The following PDE1C variants were observed in gnomAD, a reference collection of about 807,000 sequenced individuals.
PDE1C encodes the protein dual specificity calcium/calmodulin-dependent 3',5'-cyclic nucleotide phosphodiesterase 1C.
Under a neutral mutation model 93.1 loss-of-function variants are expected in PDE1C, and 62 were observed. The ratio of observed to expected loss-of-function variants is 0.67; its 90% CI spans 0.54 to 0.82. The LOEUF (loss-of-function observed/expected upper bound fraction) is 0.82. Among genes scored for constraint, PDE1C ranks in the 40% least tolerant of loss-of-function variants. The pLI is 0.00. For missense variants in PDE1C, 742 were observed against 884.6 expected (o/e 0.84, Z 2.04); for synonymous variants, 325 against 310.1 (o/e 1.05, Z -0.50).
rs1204630246 is a variant in PDE1C, at chr7:32,005,578, A to AAAAAAAAAAAAAAAAAAAAAC, written c.128+45975_128+45976insGTTTTTTTTTTTTTTTTTTTT. On this transcript the variant is annotated intron_variant, in intron 2 of 17. Coordinates refer to ENST00000396191, the MANE Select transcript of PDE1C (RefSeq NM_001191057.4). ...TTCAAAAAAAAAAAAAAAAAAAAAA[A>AAAAAAAAAAAAAAAAAAAAAC]AAAGAATTGTGATCTGAGAAATCAC... Among the ~76,000 whole-genome samples the AAAAAAAAAAAAAAAAAAAAAC allele has an allele frequency of 1.2e-4, 12 of 103,792 alleles. 2 individuals are homozygous for AAAAAAAAAAAAAAAAAAAAAC. The highest frequency in any genetic ancestry group is 2.8e-4 in the South Asian group (1 of 3,594). 68.1% of individuals were successfully genotyped at this position (103,792 alleles called of 152,430 possible). A position where few individuals can be genotyped will look rare whatever the true frequency, so the allele number is the denominator to read the frequency against.
At position 31,986,295 on chromosome 7, in the gene PDE1C, TG is replaced by T. The variant is rs1374857163; in HGVS notation, c.128+65258del. On this transcript the variant is annotated intron_variant, in intron 2 of 17. Coordinates refer to ENST00000396191, the MANE Select transcript of PDE1C (RefSeq NM_001191057.4). ...TCCAATTTCTTCCTCCTACTTCACA[TG>T]GCTTTCTTCTCCCTATGGCCTCTTC... Among the ~76,000 whole-genome samples the T allele has an allele frequency of 7.9e-5, 12 of 152,122 alleles. No homozygotes were observed. The East Asian group carries it at 2.3e-3, about 30-fold the overall frequency.
intron 3 of PDE1C, among the ~76,000 whole-genome samples, chr7:32,096,071 C>T (rs1424692386): frequency 1.3e-5 from 2 of 152,170 alleles, no homozygotes. Flanking sequence ...TACATGACAT[C>T]TGAGAGCTTT....
intron 1 of PDE1C, among the ~76,000 whole-genome samples, chr7:32,062,778 C>T (rs1794965411): frequency 6.6e-6 from 1 of 152,152 alleles, no homozygotes; most frequent in Admixed American, 6.5e-5. Context: ...TTCCCTGGTG[C>T]TTAGCACAGC....
the PDE1C span, among the ~76,000 whole-genome samples, chr7:31,681,370 CGGATGGAT>C: frequency 0.068 from 3,584 of 52,666 alleles, 122 homozygotes; most frequent in African/African-American, 0.18. Flanking sequence ...GATGGATGGA[CGGATGGAT>C]GGATGGATGG....
Position 31,998,030 on chromosome 7 carries a change from A to T in PDE1C, c.128+53524T>A, listed in dbSNP as rs369570065. Among the ~76,000 whole-genome samples, 1,469 of 150,804 alleles carry T rather than the reference A, an allele frequency of 9.7e-3. 11 individuals are homozygous for T. The highest frequency in any genetic ancestry group is 0.037 in the Middle Eastern group (11 of 294). On this transcript the variant is annotated intron_variant, in intron 2 of 17. Transcript: ENST00000396191. ...TTTATTTTTATTTATTTATTTATTT[A>T]TTTTTTTGAGACGGAGTCTCACTCT... is the stretch of plus-strand genomic sequence containing the variant.
intron 1 of PDE1C, among the ~76,000 whole-genome samples, chr7:32,365,764 C>T (rs769754114): frequency 5.9e-5 from 9 of 152,090 alleles, no homozygotes; most frequent in South Asian, 2.1e-4. Context: ...TGAGTTCACC[C>T]GGGCAAAGCC....
intron 15 of PDE1C, among the ~76,000 whole-genome samples, chr7:31,814,667 A>T (rs2128720769): frequency 6.7e-6 from 1 of 150,252 alleles, no homozygotes; most frequent in Middle Eastern, 3.4e-3. Context: ...GGCAGGCAAG[A>T]GAATGAATAT....
the PDE1C span, chr7:31,696,822 T>G: frequency 1.1e-6 from 1 of 902,316 alleles, no homozygotes; most frequent in Middle Eastern, 3.2e-4. Flanking sequence ...TAATGCTTCT[T>G]ATGAAAAGTC....
intron 12 of PDE1C, among the ~76,000 whole-genome samples, chr7:31,825,462 G>A (rs1010979272): frequency 6.6e-6 from 1 of 152,042 alleles, no homozygotes; most frequent in African/African-American, 2.4e-5. Flanking sequence ...GGGAAGGAAA[G>A]CTTGGGAAGG....
chr7:31,628,448 CT>C, the PDE1C span, among the ~76,000 whole-genome samples: 536 of 143,390 alleles, frequency 3.7e-3, 2 homozygotes, highest in Middle Eastern at 0.011. Context: ...AGCGTGATTC[CT>C]TTTTTTTTTT....
At chr7:32,162,773 G>A (rs1238511539) in intron 3 of PDE1C, among the ~76,000 whole-genome samples, 1 of 152,124 alleles carries the variant, frequency 6.6e-6, no homozygotes, top group African/African-American at 2.4e-5. Flanking sequence ...AGGAGGCCAT[G>A]CGTCAAGTTC....
intron 9 of PDE1C, among the ~76,000 whole-genome samples, chr7:31,847,031 G>A (rs991686592): frequency 6.6e-6 from 1 of 152,094 alleles, no homozygotes; most frequent in African/African-American, 2.4e-5. Flanking sequence ...ATTAAAATAT[G>A]AGGACTATTT....
the PDE1C span, among the ~76,000 whole-genome samples, chr7:31,670,311 T>C: frequency 1.3e-5 from 2 of 152,236 alleles, no homozygotes; most frequent in Admixed American, 6.5e-5. Context: ...TTTGGGATTT[T>C]GGAGCATTTG....
intron 1 of PDE1C, among the ~76,000 whole-genome samples, chr7:32,053,239 T>G (rs1226770715): frequency 1.3e-5 from 2 of 152,168 alleles, no homozygotes; most frequent in African/African-American, 4.8e-5. Flanking sequence ...GAGAAATAAA[T>G]GAGATAATTC....
intron 6 of PDE1C, among the ~76,000 whole-genome samples, chr7:31,871,137 T>C (rs1286787919): frequency 6.6e-6 from 1 of 151,872 alleles, no homozygotes; most frequent in African/African-American, 2.4e-5. Context: ...AAGGACCCCT[T>C]CTTCAAGAAA....
chr7:31,928,120 C>T, intron 2 of PDE1C, among the ~76,000 whole-genome samples: 1 of 151,942 alleles, frequency 6.6e-6, no homozygotes. Context: ...CTGAAAAACA[C>T]AGCACGAGAA....
intron 2 of PDE1C, among the ~76,000 whole-genome samples, chr7:31,921,127 G>A (rs1441641368): frequency 2.0e-5 from 3 of 152,192 alleles, no homozygotes; most frequent in Non-Finnish European, 4.4e-5. Flanking sequence ...CTTGTCTGGT[G>A]CATCTTTAGG....
intron 3 of PDE1C, among the ~76,000 whole-genome samples, chr7:32,168,070 C>T (rs540611328): frequency 6.6e-6 from 1 of 152,192 alleles, no homozygotes; most frequent in Non-Finnish European, 1.5e-5. Context: ...CAAAATAGTA[C>T]ACAGTTGTAT....
chr7:32,128,726 G>A (rs1563336284), intron 3 of PDE1C, among the ~76,000 whole-genome samples: 1 of 150,808 alleles, frequency 6.6e-6, no homozygotes, highest in Non-Finnish European at 1.5e-5. Context: ...ATTTATCAAT[G>A]GCCTAACATC....
Sources: allele counts gnomAD v4.1 joint callset (sites outside exome capture counted in the v4.1 genomes callset), GRCh38; gene constraint gnomAD v4.1.1; transcripts MANE v1.5; gene names NCBI Gene and HGNC (gene_info 2026-07-23, HGNC 2026-07-21).